The following CPNE4 variants were observed in gnomAD, a reference collection of about 807,000 sequenced individuals.
The protein encoded by CPNE4 is copine 4.
Under a neutral mutation model 67.9 loss-of-function variants are expected in CPNE4, and 25 were observed. The observed-to-expected ratio is 0.37, with a 90% CI of 0.27 to 0.51. The LOEUF (loss-of-function observed/expected upper bound fraction) is 0.51. Among genes scored for constraint, CPNE4 ranks in the 20% least tolerant of loss-of-function variants. The probability of loss-of-function intolerance (pLI) is 0.93; values close to 1 mark genes in which losing one functional copy is unlikely to be tolerated. For missense variants in CPNE4, 464 were observed against 690.8 expected, an observed-to-expected ratio of 0.67 and a Z score of 3.68; for synonymous variants, 242 against 244.9, an observed-to-expected ratio of 0.99 and a Z score of 0.11.
At chr3:131,968,885 C>T (rs2072429300) in intron 1 of CPNE4, among the ~76,000 whole-genome samples, 1 of 152,146 alleles carries the variant, frequency 6.6e-6, no homozygotes, top group Non-Finnish European at 1.5e-5. Flanking sequence ...ATAAATCATT[C>T]CACTATAAAG....
Position 131,882,723 on chromosome 3 carries a change from A to ATTTTTT in CPNE4, c.180+22535_180+22540dup, listed in dbSNP as rs534737633. On this transcript the variant is annotated intron_variant, in intron 2 of 15. Transcript: ENST00000429747. ...ACAAAAGTAATTGCAGTTCTGCTCTATTTTTTTTTTTTTTTTGAGACGGAG... is the reference window on the plus strand; with the variant it reads ...ACAAAAGTAATTGCAGTTCTGCTCTATTTTTTTTTTTTTTTTTTTTTTGAGACGGAG... Among the ~76,000 whole-genome samples, 414 of 136,130 alleles carry ATTTTTT rather than the reference A, an allele frequency of 3.0e-3. 12 individuals are homozygous for ATTTTTT. The highest frequency in any genetic ancestry group is 8.3e-3 in the East Asian group (38 of 4,586). 89.3% of individuals were successfully genotyped at this position (136,130 alleles called of 152,430 possible). A position where few individuals can be genotyped will look rare whatever the true frequency, so the allele number is the denominator to read the frequency against.
chr3:131,740,716 T>C (rs2082336656), intron 2 of CPNE4, among the ~76,000 whole-genome samples: 1 of 152,232 alleles, frequency 6.6e-6, no homozygotes, highest in African/African-American at 2.4e-5. Flanking sequence ...AGAGTAATCG[T>C]GTTAAAACTC....
chr3:131,827,456 A>G (rs1232874465), intron 2 of CPNE4, among the ~76,000 whole-genome samples: 1 of 152,064 alleles, frequency 6.6e-6, no homozygotes, highest in African/African-American at 2.4e-5. Flanking sequence ...TTTCACTTGT[A>G]TTTGTTGAAG....
chr3:131,575,014 C>T (rs1342327956), intron 10 of CPNE4, 57 bp downstream of exon 10: 1 of 1,447,620 alleles, frequency 6.9e-7, no homozygotes, highest in South Asian at 1.1e-5. Context: ...CCCAGTGCCA[C>T]CCCTCATCTC....
chr3:131,550,796 G>A (rs907823943), intron 13 of CPNE4, among the ~76,000 whole-genome samples: 6 of 152,022 alleles, frequency 3.9e-5, no homozygotes, highest in Admixed American at 2.0e-4. Flanking sequence ...TTATCATCAC[G>A]GACAACCCCT....
intron 1 of CPNE4, among the ~76,000 whole-genome samples, chr3:132,032,909 G>C (rs979106745): frequency 2.0e-5 from 3 of 152,214 alleles, no homozygotes; most frequent in African/African-American, 7.2e-5. Context: ...CTGGCTTTTT[G>C]GGGGATATGC....
chr3:131,656,577 T>C (rs1021439006), intron 7 of CPNE4, among the ~76,000 whole-genome samples: 1 of 152,238 alleles, frequency 6.6e-6, no homozygotes, highest in Non-Finnish European at 1.5e-5. Flanking sequence ...CTATTCATTC[T>C]TTAAGCATAC....
intron 6 of CPNE4, among the ~76,000 whole-genome samples, chr3:131,681,117 G>T (rs9876228): frequency 6.6e-6 from 1 of 151,974 alleles, no homozygotes; most frequent in African/African-American, 2.4e-5. Flanking sequence ...AAATTGTGCT[G>T]CTATAAACAT....
At chr3:131,832,138 T>C (rs1163633732) in intron 2 of CPNE4, among the ~76,000 whole-genome samples, 2 of 152,202 alleles carry the variant, frequency 1.3e-5, no homozygotes, top group Non-Finnish European at 1.5e-5. Context: ...TATTAAAATG[T>C]CATTATAGCT....
intron 7 of CPNE4, among the ~76,000 whole-genome samples, chr3:131,635,378 T>C (rs2079351099): frequency 6.6e-6 from 1 of 152,250 alleles, no homozygotes; most frequent in Admixed American, 6.5e-5. Context: ...TTCTAAATAC[T>C]ATTCAAAAGT....
intron 1 of CPNE4, among the ~76,000 whole-genome samples, chr3:132,033,032 AAC>A (rs2074270023): frequency 1.3e-5 from 2 of 152,274 alleles, no homozygotes; most frequent in African/African-American, 4.8e-5. Flanking sequence ...CAGAAAATAA[AAC>A]ACAAAGGCCT....
In CPNE4 at chr3:131,669,665, G is replaced by C. The variant is rs1582993104; in HGVS notation, c.681+10C>G. 6.3e-7 allele frequency: 1 copy of C among 1,589,892 alleles called. No individual in the cohort carries two copies. The highest frequency in any genetic ancestry group is 8.6e-7 in the Non-Finnish European group (1 of 1,164,976). ...TAAAAAATCACATTTCTTGGACACAGATTTCTGACCTTTAGCCGGCGGTCT... is the reference window on the plus strand; with the variant it reads ...TAAAAAATCACATTTCTTGGACACACATTTCTGACCTTTAGCCGGCGGTCT... On this transcript the variant is annotated intron_variant, in intron 7 of 15. Transcript: ENST00000429747.
rs1466839575 is a variant in CPNE4, at chr3:132,034,628, C to T, written c.-63G>A. 1 of 985,330 alleles carries T rather than the reference C, an allele frequency of 1.0e-6. No individual in the cohort carries two copies. The highest frequency in any genetic ancestry group is 1.2e-6 in the Non-Finnish European group (1 of 830,046). The allele number at this position is 985,330 out of a possible 1,614,324, so 61.0% of individuals were successfully genotyped here. A position where few individuals can be genotyped will look rare whatever the true frequency, so the allele number is the denominator to read the frequency against. ...CAGCCCGGGACGAGGTCTGTCCCGC[C>T]CCCAGGATGCAAAATCCGGCTTTGA... On this transcript the variant is annotated 5_prime_UTR_variant, in exon 1 of 16. Coordinates refer to ENST00000429747, the MANE Select transcript of CPNE4 (RefSeq NM_130808.3).
At chr3:131,877,147 G>A (rs1239946861) in intron 2 of CPNE4, among the ~76,000 whole-genome samples, 1 of 152,048 alleles carries the variant, frequency 6.6e-6, no homozygotes, top group Non-Finnish European at 1.5e-5. Flanking sequence ...AATGGCCATT[G>A]AGATATAAGC....
chr3:132,000,192 G>C (rs58531787), intron 1 of CPNE4, among the ~76,000 whole-genome samples: 38 of 152,060 alleles, frequency 2.5e-4, no homozygotes, highest in Admixed American at 1.1e-3. Flanking sequence ...ATAAAAATGG[G>C]ATTTAAGGAA....
intron 8 of CPNE4, among the ~76,000 whole-genome samples, chr3:131,582,195 A>T (rs1448931824): frequency 2.0e-5 from 3 of 152,214 alleles, no homozygotes; most frequent in Non-Finnish European, 4.4e-5. Flanking sequence ...ACTAGGGACA[A>T]TAATAAATTA....
At chr3:131,647,162 C>T (rs532835576) in intron 7 of CPNE4, among the ~76,000 whole-genome samples, 8 of 152,298 alleles carry the variant, frequency 5.3e-5, no homozygotes, top group Admixed American at 2.0e-4. Context: ...AAGTGAAAGA[C>T]GGAGCCTGAG....
chr3:131,915,939 G>A (rs542893148), intron 1 of CPNE4, among the ~76,000 whole-genome samples: 2 of 152,270 alleles, frequency 1.3e-5, no homozygotes, highest in African/African-American at 4.8e-5. Context: ...GCACTCAAAT[G>A]TTTCCCATCT....
intron 1 of CPNE4, among the ~76,000 whole-genome samples, chr3:131,922,267 G>T (rs1348908008): frequency 6.6e-6 from 1 of 152,136 alleles, no homozygotes; most frequent in Non-Finnish European, 1.5e-5. Context: ...CTTTTATATG[G>T]CTGTGTAGTA....
Sources: gnomAD v4.1 joint callset for allele counts (sites outside exome capture counted in the v4.1 genomes callset) on GRCh38, gnomAD v4.1.1 for gene constraint, MANE v1.5 for transcripts, NCBI Gene and HGNC (gene_info 2026-07-23, HGNC 2026-07-21) for gene names.